The following CEP290 variants were observed in gnomAD, a reference collection of about 807,000 sequenced individuals.
CEP290 encodes the protein centrosomal protein 290, also known as centrosomal protein of 290 kDa.
CEP290 carries 317 observed loss-of-function variants against 344.9 expected under a neutral mutation model. That is an observed-to-expected ratio of 0.92 (90% CI 0.84 to 1.01). The LOEUF (loss-of-function observed/expected upper bound fraction) is 1.01. Ranked by LOEUF, CEP290 falls within the 50% of genes least tolerant of loss-of-function variation. The pLI, the probability that CEP290 is intolerant of heterozygous loss-of-function variation, is 0.00. For synonymous variants in CEP290, 932 were observed against 895.8 expected (o/e 1.04, Z -0.72); for missense variants, 2,754 against 2,761.4 (o/e 1.00, Z 0.06).
chr12:88,092,709 C>T lies in CEP290; in HGVS notation c.3433G>A (p.Glu1145Lys). ...RQRILELEKN[E>K]MELKVEVSKL... ...GACACTTCAACTTTTAGTTCCATTTCATTCTTCTCTAATTCTAGAATCCGT... is the reference window on the plus strand; with the variant it reads ...GACACTTCAACTTTTAGTTCCATTTTATTCTTCTCTAATTCTAGAATCCGT... The change falls in exon 29 of 54, where the codon GAA becomes AAA. Residue 1145 changes from glutamate to lysine, a missense_variant. Coordinates refer to ENST00000552810, the MANE Select transcript of CEP290 (RefSeq NM_025114.4). 2 of 1,609,306 alleles carry T rather than the reference C, an allele frequency of 1.2e-6. No homozygotes were observed. Among genetic ancestry groups the T allele is most frequent in the Non-Finnish European group, 1.7e-6 (2 of 1,178,158 alleles).
chr12:88,070,636 G>A (rs186577799), intron 43 of CEP290, among the ~76,000 whole-genome samples: 79 of 152,104 alleles, frequency 5.2e-4, no homozygotes, highest in Admixed American at 4.6e-3. Context: ...GGTAAAAGTC[G>A]TTTTTTTCTT....
intron 7 of CEP290, 26 bp downstream of exon 7, chr12:88,131,139 C>T (rs1417855964): frequency 1.4e-6 from 2 of 1,477,014 alleles, no homozygotes; most frequent in East Asian, 5.3e-5. Flanking sequence ...CTTTGTTGAA[C>T]CACCACAACT....
chr12:88,117,211 A>G, intron 17 of CEP290, 66 bp from the exon 18 acceptor site: 2 of 765,974 alleles, frequency 2.6e-6, no homozygotes, highest in South Asian at 2.0e-5. Flanking sequence ...CAACACTTTA[A>G]TTCTTAAAAC....
At chr12:88,140,921 G>T in intron 3 of CEP290, 35 bp downstream of exon 3, 1 of 1,418,222 alleles carries the variant, frequency 7.1e-7, no homozygotes, top group Non-Finnish European at 9.6e-7. Context: ...TCCACTAATA[G>T]CCAAACCTAT....
intron 52 of CEP290, among the ~76,000 whole-genome samples, chr12:88,053,235 G>A (rs1442128316): frequency 6.6e-6 from 1 of 152,082 alleles, no homozygotes; most frequent in African/African-American, 2.4e-5. Flanking sequence ...GGGAATGGAA[G>A]GGAGCAGAAA....
In CEP290 at chr12:88,058,964, A is replaced by C; in HGVS notation, c.6702T>G (p.Asn2234Lys). 1 of 1,613,476 alleles carries C rather than the reference A, an allele frequency of 6.2e-7. No homozygotes were observed. Among genetic ancestry groups the C allele is most frequent in the Non-Finnish European group, 8.5e-7 (1 of 1,179,660 alleles). The change falls in exon 49 of 54, where the codon AAT becomes AAG. Residue 2234 changes from asparagine to lysine, a missense_variant. Physicochemically the swap from Asn to Lys is moderately conservative, Grantham distance 94. Transcript: ENST00000552810. ...RIAKNNLEIL[N>K]EKMTVQLEET... ...CTTCTAGTTGAACTGTCATCTTCTC[A>C]TTTAATATCTCTAAATTATTCTTTG...
At chr12:88,124,427 G>T (rs1188928452) in intron 13 of CEP290, among the ~76,000 whole-genome samples, 2 of 151,984 alleles carry the variant, frequency 1.3e-5, no homozygotes, top group Non-Finnish European at 2.9e-5. Context: ...CCTGAGCAAG[G>T]CTTTTGCTTC....
intron 41 of CEP290, among the ~76,000 whole-genome samples, chr12:88,076,303 G>C (rs140180791): frequency 1.3e-5 from 2 of 152,162 alleles, no homozygotes; most frequent in Non-Finnish European, 2.9e-5. Flanking sequence ...AATTTTGGGA[G>C]CATACTCTAT....
In CEP290 at chr12:88,123,460, T is replaced by C. The variant is rs186516218; in HGVS notation, c.1189+1786A>G. Among the ~76,000 whole-genome samples the C allele has an allele frequency of 2.7e-4, 41 of 152,200 alleles. No individual in the cohort carries two copies. The East Asian group carries it at 7.5e-3, about 28-fold the overall frequency. ...AACTTTTAGTGATCATCTTGACCTA[T>C]CAGCAGCAATGAACACAGCTCTGAA... On this transcript the variant is annotated intron_variant, in intron 13 of 53. Transcript: ENST00000552810.
rs763804735 is a variant in CEP290 at position 88,079,145 on chromosome 12, C to T, written c.5311G>A (p.Glu1771Lys). 5 of 1,602,118 alleles carry T rather than the reference C, an allele frequency of 3.1e-6. No homozygotes were observed. The South Asian group carries it at 4.5e-5, about 15-fold the overall frequency. Residue 1771 changes from glutamate to lysine, a missense_variant, in exon 39 of 54, where the codon GAG (glutamate) becomes AAG (lysine). By Grantham distance (56) the Glu-to-Lys change is moderately conservative (BLOSUM62 1). Coordinates refer to ENST00000552810, the MANE Select transcript of CEP290 (RefSeq NM_025114.4). Reference sequence around the variant, plus strand: ...ATTTGTTGAACATTGAGATGGGCCTCTTTTTGAGAAGTTGCAGAAATAATA... The same window carrying T: ...ATTTGTTGAACATTGAGATGGGCCTTTTTTTGAGAAGTTGCAGAAATAATA... ...ERIISATSQK[E>K]AHLNVQQIVD...
chr12:88,104,591 T>TA lies in CEP290; in HGVS notation c.2818-1581dup, dbSNP rs200937246. 4.3e-3 allele frequency among the ~76,000 whole-genome samples: 646 copies of TA among 151,448 alleles called. 30 individuals carry two copies. The East Asian group carries it at 0.11, about 25-fold the overall frequency. ...CAATAAAGGAAAAAAATCCCTAAAA[T>TA]AAAAAAAATGAAAAACAAATGAGCC... On this transcript the variant is annotated intron_variant, in intron 25 of 53. Transcript: ENST00000552810.
intron 13 of CEP290, among the ~76,000 whole-genome samples, chr12:88,121,896 C>T (rs2039426855): frequency 6.6e-6 from 1 of 152,104 alleles, no homozygotes; most frequent in African/African-American, 2.4e-5. Flanking sequence ...TTTTCTGTCA[C>T]TTGCAGCTAA....
At chr12:88,129,567 G>T in intron 10 of CEP290, 127 bp downstream of exon 10, 1 of 558,176 alleles carries the variant, frequency 1.8e-6, no homozygotes, top group Non-Finnish European at 3.0e-6. Flanking sequence ...AACATGACAA[G>T]ATATTACACT....
At position 88,106,268 on chromosome 12, in the gene CEP290, C is replaced by T. The variant is rs565495948; in HGVS notation, c.2817+407G>A. 8.2e-4 allele frequency among the ~76,000 whole-genome samples: 125 copies of T among 152,204 alleles called. 1 individual carries two copies. Among genetic ancestry groups the T allele is most frequent in the Non-Finnish European group, 1.3e-3 (90 of 68,004 alleles). On this transcript the variant is annotated intron_variant, in intron 25 of 53. Coordinates refer to ENST00000552810, the MANE Select transcript of CEP290 (RefSeq NM_025114.4). ...ATGACACACACACAAAAGTTAGATA[C>T]ATCTTCAAACATTTTTTGGAGAAAA...
intron 14 of CEP290, 75 bp downstream of exon 14, chr12:88,120,922 G>T: frequency 7.9e-7 from 1 of 1,268,130 alleles, no homozygotes; most frequent in Non-Finnish European, 1.1e-6. Context: ...ATGGTATGCA[G>T]TAAATAGCAC....
At chr12:88,103,864 A>G (rs2038080151) in intron 25 of CEP290, 1 of 152,086 alleles carries the variant, frequency 6.6e-6, no homozygotes, top group South Asian at 2.1e-4. Context: ...ACACTATTCT[A>G]TCTTACCCTT....
At chr12:88,132,297 A>T (rs1292404660) in intron 6 of CEP290, among the ~76,000 whole-genome samples, 2 of 152,194 alleles carry the variant, frequency 1.3e-5, no homozygotes, top group Non-Finnish European at 2.9e-5. Context: ...AGACGATAGA[A>T]TCACAATGGT....
Position 88,068,519 on chromosome 12 carries a change from T to TA in CEP290, c.6135+2dup, listed in dbSNP as rs1383263352. 1 of 1,495,804 alleles carries TA rather than the reference T, an allele frequency of 6.7e-7. No individual in the cohort carries two copies. Among genetic ancestry groups the TA allele is most frequent in the Admixed American group, 2.4e-5 (1 of 40,992 alleles). The allele number at this position is 1,495,804 out of a possible 1,614,324, so 92.7% of individuals were successfully genotyped here. ...AAAAAAATAATAAAAGATATACACT[T>TA]ACTGAAGGCTTAGAATATGTATCCT... is the stretch of plus-strand genomic sequence containing the variant. On this transcript the variant is annotated splice_region_variant and intron_variant, in intron 44 of 53. Transcript: ENST00000552810.
chr12:88,061,702 A>T (rs2034492483), intron 46 of CEP290, among the ~76,000 whole-genome samples: 1 of 152,174 alleles, frequency 6.6e-6, no homozygotes, highest in Non-Finnish European at 1.5e-5. Context: ...TTAGATAGAA[A>T]AGGTCAAATT....
Sources: allele counts gnomAD v4.1 joint callset (sites outside exome capture counted in the v4.1 genomes callset), GRCh38; gene constraint gnomAD v4.1.1; transcripts MANE v1.5; gene names NCBI Gene and HGNC (gene_info 2026-07-23, HGNC 2026-07-21).